SLC25A15: variants seen among roughly 807,000 people sequenced by gnomAD.
SLC25A15 encodes the protein mitochondrial ornithine transporter 1.
A neutral mutation model predicts 32.3 loss-of-function variants in SLC25A15; 24 were observed. That is an observed-to-expected ratio of 0.74 (90% confidence interval 0.54 to 1.04). The LOEUF is 1.04. Ranked by LOEUF, SLC25A15 falls within the 50% of genes least tolerant of loss-of-function variation. The probability of loss-of-function intolerance (pLI) is 0.00; values close to 1 mark genes in which losing one functional copy is unlikely to be tolerated. For synonymous variants in SLC25A15, 132 were observed against 142.1 expected (o/e 0.93, Z 0.51); for missense variants, 317 against 374.5 (o/e 0.85, Z 1.27).
intron 1 of SLC25A15, 85 bp downstream of exon 1, chr13:40,789,748 G>T: frequency 6.6e-6 from 1 of 152,334 alleles, no homozygotes; most frequent in South Asian, 2.0e-4. Context: ...GGCGGGCCTC[G>T]GTGTGCGGGC....
chr13:40,792,289 G>A (rs1881535125), intron 1 of SLC25A15, among the ~76,000 whole-genome samples: 1 of 152,214 alleles, frequency 6.6e-6, no homozygotes, highest in African/African-American at 2.4e-5. Flanking sequence ...CAACGGCCCA[G>A]GTGTTGTATC....
intron 2 of SLC25A15, 28 bp from the exon 3 acceptor site, chr13:40,799,029 C>T: frequency 1.2e-6 from 2 of 1,614,146 alleles, no homozygotes; most frequent in South Asian, 2.2e-5. Flanking sequence ...TAGCCTCGTA[C>T]TAGAGCAGTC....
At position 40,812,412 on chromosome 13, in the gene SLC25A15, T is replaced by G. The variant is rs1389537305; in HGVS notation, c.*2745T>G. ...AGGCAGAAATATAACTTGAAAATACTGTGTCTAAAGAAATTTCAGTGTTCT... is the reference window on the plus strand; with the variant it reads ...AGGCAGAAATATAACTTGAAAATACGGTGTCTAAAGAAATTTCAGTGTTCT... On this transcript the variant is annotated 3_prime_UTR_variant, in exon 7 of 7. Coordinates refer to ENST00000338625, the MANE Select transcript of SLC25A15 (RefSeq NM_014252.4). Among the ~76,000 whole-genome samples the G allele has an allele frequency of 6.6e-6, 1 of 152,216 alleles. No individual in the cohort carries two copies.
intron 3 of SLC25A15, among the ~76,000 whole-genome samples, chr13:40,803,225 T>TG (rs1881971193): frequency 2.6e-5 from 4 of 151,848 alleles, no homozygotes; most frequent in Admixed American, 2.0e-4. Flanking sequence ...GTATTCGTTT[T>TG]TTTTTTTTTG....
intron 5 of SLC25A15, among the ~76,000 whole-genome samples, chr13:40,807,666 G>A (rs1260787611): frequency 6.6e-6 from 1 of 152,142 alleles, no homozygotes; most frequent in African/African-American, 2.4e-5. Flanking sequence ...ATTTCCTTAG[G>A]ACAGGGCCTG....
At chr13:40,798,143 G>T (rs968061905) in intron 2 of SLC25A15, among the ~76,000 whole-genome samples, 2 of 152,120 alleles carry the variant, frequency 1.3e-5, no homozygotes, top group African/African-American at 4.8e-5. Context: ...AGCCAGGCGT[G>T]GTGGTGGGTG....
chr13:40,809,691 A>G lies in SLC25A15; in HGVS notation c.*24A>G. 1 of 1,612,372 alleles carries G rather than the reference A, an allele frequency of 6.2e-7. No homozygotes were observed. Among genetic ancestry groups the G allele is most frequent in the Non-Finnish European group, 8.5e-7 (1 of 1,179,460 alleles). On this transcript the variant is annotated 3_prime_UTR_variant, in exon 7 of 7. Transcript: ENST00000338625. ...GAAGTGTCTTGGTGGGCCTGAGCCA[A>G]GCACAGGTGTTTGAGGACTACAGTT...
In SLC25A15 at chr13:40,811,273, A is replaced by G. The variant is rs1882438550; in HGVS notation, c.*1606A>G. Among the ~76,000 whole-genome samples, 1 of 152,122 alleles carries G rather than the reference A, an allele frequency of 6.6e-6. No homozygotes were observed. The highest frequency in any genetic ancestry group is 2.1e-4 in the South Asian group (1 of 4,828). ...TGGGAGGCTGAGGCGGGCGGGTCAC[A>G]AGGTCAGGAGTTCGAGAACAGCCTG... is the stretch of plus-strand genomic sequence containing the variant. On this transcript the variant is annotated 3_prime_UTR_variant, in exon 7 of 7. Coordinates refer to ENST00000338625, the MANE Select transcript of SLC25A15 (RefSeq NM_014252.4).
chr13:40,812,329 T>A lies in SLC25A15; in HGVS notation c.*2662T>A, dbSNP rs1353174022. Among the ~76,000 whole-genome samples the A allele has an allele frequency of 2.6e-5, 4 of 152,348 alleles. No individual in the cohort carries two copies. Among genetic ancestry groups the A allele is most frequent in the Middle Eastern group, 6.8e-3 (2 of 294 alleles). On this transcript the variant is annotated 3_prime_UTR_variant, in exon 7 of 7. Transcript: ENST00000338625. ...TTAGGTTGGGAGAATATTTTTTTTT[T>A]ATTCATTCTGTTTGCTTAATTCAGA... is the stretch of plus-strand genomic sequence containing the variant.
chr13:40,802,789 G>C (rs1321949651), intron 3 of SLC25A15, among the ~76,000 whole-genome samples: 1 of 152,068 alleles, frequency 6.6e-6, no homozygotes, highest in African/African-American at 2.4e-5. Flanking sequence ...GGCCAGGATG[G>C]TCTTGATCTC....
intron 4 of SLC25A15, 63 bp downstream of exon 4, chr13:40,805,318 A>G: frequency 6.3e-7 from 1 of 1,594,842 alleles, no homozygotes; most frequent in Non-Finnish European, 8.6e-7. Flanking sequence ...ATGATTTTTC[A>G]TTTTACATTG....
chr13:40,809,599 A>C lies in SLC25A15; in HGVS notation c.838A>C (p.Asn280His). ...KPTMIRAFPA[N>H]GALFLAYEYS... ...TACTATGATTCGAGCATTCCCTGCC[A>C]ATGGAGCACTCTTTTTGGCCTACGA... The change falls in exon 7 of 7, where the codon AAT becomes CAT. Residue 280 changes from asparagine to histidine, a missense_variant. By Grantham distance (68) the Asn-to-His change is moderately conservative. Transcript: ENST00000338625. The C allele has an allele frequency of 6.2e-7, 1 of 1,612,294 alleles. No individual in the cohort carries two copies. Among genetic ancestry groups the C allele is most frequent in the Non-Finnish European group, 8.5e-7 (1 of 1,179,814 alleles).
chr13:40,800,040 C>G (rs1881819425), intron 3 of SLC25A15, among the ~76,000 whole-genome samples: 1 of 152,194 alleles, frequency 6.6e-6, no homozygotes, highest in African/African-American at 2.4e-5. Flanking sequence ...TTAGCTATCC[C>G]TGCTTTGAAT....
rs140242288 is a variant in SLC25A15, at chr13:40,809,549, C to T, written c.788C>T (p.Thr263Met). The T allele has an allele frequency of 7.8e-5, 125 of 1,612,006 alleles. No individual in the cohort carries two copies. In the East Asian group the frequency reaches 2.1e-3, roughly 27 times the overall value. ...CCGCCCTTTTATTTGCTAGGAATAA[C>T]GGCCTTATATTCTGGACTGAAACCT... ...FINVVKNEGI[T>M]ALYSGLKPTM... The change falls in exon 7 of 7, where the codon ACG becomes ATG. Residue 263 changes from threonine to methionine, a missense_variant. Thr to Met is a moderately conservative substitution (Grantham distance 81, BLOSUM62 -1). Transcript: ENST00000338625.
chr13:40,794,267 G>T (rs950163940), intron 2 of SLC25A15, among the ~76,000 whole-genome samples: 59 of 151,974 alleles, frequency 3.9e-4, no homozygotes, highest in Admixed American at 1.3e-4. Flanking sequence ...TTGAACCCCG[G>T]AGGCGGAGGT....
rs192586176 is a variant in SLC25A15 at position 40,810,306 on chromosome 13, G to A, written c.*639G>A. Among the ~76,000 whole-genome samples, 60 of 152,180 alleles carry A rather than the reference G, an allele frequency of 3.9e-4. No homozygotes were observed. The highest frequency in any genetic ancestry group is 7.2e-4 in the Non-Finnish European group (49 of 68,008). On this transcript the variant is annotated 3_prime_UTR_variant, in exon 7 of 7. Transcript: ENST00000338625. ...CCTGAGTAGCTGGGATTACAGGTAC[G>A]CGCCACCATGTCCAGCTAATTTTTT... is the stretch of plus-strand genomic sequence containing the variant.
chr13:40,799,220 C>T lies in SLC25A15; in HGVS notation c.219C>T (p.Ala73=). Reference sequence around the variant, plus strand: ...AGGGTACCAGTCCAGCACTAATCGCCAACATCGCTGAGAACTCAGTCCTCT... The same window carrying T: ...AGGGTACCAGTCCAGCACTAATCGCTAACATCGCTGAGAACTCAGTCCTCT... ...FYKGTSPALI[A]NIAENSVLFM... The change falls in exon 3 of 7, where the codon GCC becomes GCT. Residue 73 remains alanine, a synonymous_variant. Transcript: ENST00000338625. 1.9e-6 allele frequency: 3 copies of T among 1,614,254 alleles called. No homozygotes were observed. Among genetic ancestry groups the T allele is most frequent in the Non-Finnish European group, 2.5e-6 (3 of 1,180,050 alleles).
intron 1 of SLC25A15, 46 bp from the exon 2 acceptor site, chr13:40,793,112 G>A: frequency 9.5e-7 from 1 of 1,047,274 alleles, no homozygotes; most frequent in Middle Eastern, 2.0e-4. Context: ...CTAGAGAACA[G>A]GATGCTGCAG....
rs763418495 is a variant in SLC25A15 at position 40,810,878 on chromosome 13, A to G, written c.*1211A>G. 10 of 534,460 alleles carry G rather than the reference A, an allele frequency of 1.9e-5. No homozygotes were observed. The highest frequency in any genetic ancestry group is 1.4e-4 in the South Asian group (10 of 71,572). 33.1% of individuals were successfully genotyped at this position (534,460 alleles called of 1,614,324 possible). The stretch of plus-strand genomic sequence containing the variant: ...TCTGGGTCCTGGCCTGGGGCCATCA[A>G]TCCACTTTGGGCCACTCACTGTCTG... On this transcript the variant is annotated 3_prime_UTR_variant, in exon 7 of 7. Coordinates refer to ENST00000338625, the MANE Select transcript of SLC25A15 (RefSeq NM_014252.4).
Sources: allele counts gnomAD v4.1 joint callset (sites outside exome capture counted in the v4.1 genomes callset), GRCh38; gene constraint gnomAD v4.1.1; transcripts MANE v1.5; gene names NCBI Gene and HGNC (gene_info 2026-07-23, HGNC 2026-07-21).